The following MORN1 variants were observed in gnomAD, a reference collection of about 807,000 sequenced individuals.
MORN1 encodes MORN repeat containing 1.
Under a neutral mutation model 61.9 loss-of-function variants are expected in MORN1, and 67 were observed. The observed-to-expected ratio is 1.08, with a 90% CI of 0.89 to 1.33. The LOEUF is 1.33. Among genes scored for constraint, MORN1 ranks in the 40% most tolerant of loss-of-function variants. The probability of loss-of-function intolerance (pLI) is 0.00; values close to 1 mark genes in which losing one functional copy is unlikely to be tolerated. For synonymous variants in MORN1, 301 were observed against 292.0 expected (o/e 1.03, Z -0.31); for missense variants, 752 against 691.2 (o/e 1.09, Z -0.99).
rs934418792 is a variant in MORN1 at position 2,391,387 on chromosome 1, G to A, written c.76+71C>T. ...CGAGGTGAGCATTTGGGGGTCGAGGGCGTAGAGCGATCGCACCCTGAATGG... is the reference window on the plus strand; with the variant it reads ...CGAGGTGAGCATTTGGGGGTCGAGGACGTAGAGCGATCGCACCCTGAATGG... On this transcript the variant is annotated intron_variant, in intron 1 of 13. Transcript: ENST00000378531. The A allele has an allele frequency of 7.2e-6, 9 of 1,245,128 alleles. No homozygotes were observed. The South Asian group carries it at 1.1e-4, about 16-fold the overall frequency. The allele number at this position is 1,245,128 out of a possible 1,614,324, so 77.1% of individuals were successfully genotyped here. A position where few individuals can be genotyped will look rare whatever the true frequency, so the allele number is the denominator to read the frequency against.
At chr1:2,379,029 T>G (rs532078699) in intron 6 of MORN1, 1 of 470,938 alleles carries the variant, frequency 2.1e-6, no homozygotes, top group East Asian at 6.9e-5. Flanking sequence ...GAATGCATTT[T>G]TAAAAAAAGG....
chr1:2,388,260 G>C lies in MORN1; in HGVS notation c.226C>G (p.Arg76Gly), dbSNP rs1036197206. 6.2e-7 allele frequency: 1 copy of C among 1,613,814 alleles called. No individual in the cohort carries two copies. Residue 76 changes from arginine (R) to glycine (G), a missense_variant, in exon 3 of 14, where the codon CGC (arginine) becomes GGC (glycine). Arg to Gly is a moderately radical substitution (Grantham distance 125). Coordinates refer to ENST00000378531, the MANE Select transcript of MORN1 (RefSeq NM_024848.3). ...TCACCTGACCAGGCCCAGTGCCGGC[G>C]GCCTTCTCCCGTGATCTCTCCGTCC... ...FVDGEITGEG[R>G]RHWAWSGDTF...
At chr1:2,383,068 C>A (rs1642408287) in intron 6 of MORN1, among the ~76,000 whole-genome samples, 1 of 152,112 alleles carries the variant, frequency 6.6e-6, no homozygotes, top group Non-Finnish European at 1.5e-5. Context: ...CCACCCCCAA[C>A]TCCTCCATCC....
At chr1:2,340,078 TC>T (rs1334509346) in intron 10 of MORN1, among the ~76,000 whole-genome samples, 2 of 152,156 alleles carry the variant, frequency 1.3e-5, no homozygotes, top group Non-Finnish European at 2.9e-5. Flanking sequence ...CCCCCACTTG[TC>T]CCCCGGTGTC....
chr1:2,387,021 G>A (rs1642513514), intron 4 of MORN1: 2 of 205,670 alleles, frequency 9.7e-6, no homozygotes, highest in South Asian at 1.8e-4. Context: ...GGACCCTCAG[G>A]CCTGGCAGAG....
chr1:2,338,135 A>T (rs1461388461), intron 10 of MORN1, among the ~76,000 whole-genome samples: 1 of 152,156 alleles, frequency 6.6e-6, no homozygotes, highest in Non-Finnish European at 1.5e-5. Context: ...TGGAGGCATT[A>T]ATGTCCCTTT....
At chr1:2,378,123 C>G (rs1006115559) in intron 6 of MORN1, 1 of 152,430 alleles carries the variant, frequency 6.6e-6, no homozygotes, top group Non-Finnish European at 1.5e-5. Flanking sequence ...TTTGACCTCG[C>G]TGGTCCCATC....
At chr1:2,374,819 A>G (rs1642199516) in intron 6 of MORN1, 1 of 397,516 alleles carries the variant, frequency 2.5e-6, no homozygotes, top group South Asian at 4.9e-5. Flanking sequence ...ACGGCACAGT[A>G]TATAAAATGC....
rs1186898072 is a variant in MORN1 at position 2,391,543 on chromosome 1, G to A, written c.-10C>T. ...CGCCCGCCGCTGCCATCTTGCCGCC[G>A]AGGGTTCTCTTAGCGACCAGCAACG... On this transcript the variant is annotated 5_prime_UTR_variant, in exon 1 of 14. Transcript: ENST00000378531. The A allele has an allele frequency of 4.0e-6, 5 of 1,248,122 alleles. No individual in the cohort carries two copies. Among genetic ancestry groups the A allele is most frequent in the Non-Finnish European group, 5.1e-6 (5 of 989,892 alleles). 77.3% of individuals were successfully genotyped at this position (1,248,122 alleles called of 1,614,324 possible).
intron 3 of MORN1, chr1:2,387,851 G>A: frequency 4.6e-6 from 2 of 432,116 alleles, no homozygotes; most frequent in East Asian, 3.8e-5. Flanking sequence ...CCAAGCCTGA[G>A]AGAAAACACC....
intron 12 of MORN1, among the ~76,000 whole-genome samples, chr1:2,335,828 T>TAGCCCGGCCCAGCCC (rs138508948): frequency 7.0e-6 from 1 of 143,012 alleles, no homozygotes; most frequent in African/African-American, 3.0e-5. Flanking sequence ...CTCGCCTCCA[T>TAGCCCGGCCCAGCCC]AGCCCAGCCC....
chr1:2,348,113 C>T (rs1249655444), intron 10 of MORN1, among the ~76,000 whole-genome samples: 1 of 152,238 alleles, frequency 6.6e-6, no homozygotes, highest in Non-Finnish European at 1.5e-5. Flanking sequence ...CTCATTGTGT[C>T]TTCAGTCTCC....
chr1:2,337,244 G>A lies in MORN1; in HGVS notation c.1037-394C>T, dbSNP rs1242391937. 1.3e-5 allele frequency among the ~76,000 whole-genome samples: 2 copies of A among 152,204 alleles called. No homozygotes were observed. Among genetic ancestry groups the A allele is most frequent in the Non-Finnish European group, 2.9e-5 (2 of 68,018 alleles). ...CTGGCGCTCAACAGTACAGCTGTGT[G>A]CCCTCCTCGGAGCGCAGCATGAGGA... On this transcript the variant is annotated intron_variant, in intron 10 of 13. Transcript: ENST00000378531. The surrounding 1 kb of genome is among the most constrained non-coding windows in gnomAD (Gnocchi z 5.7).
chr1:2,390,903 C>T (rs1235905160), intron 1 of MORN1: 1 of 277,840 alleles, frequency 3.6e-6, no homozygotes, highest in Non-Finnish European at 5.5e-6. Flanking sequence ...AGGCACCACC[C>T]CGGGCCAATT....
chr1:2,341,359 C>A (rs535134147), intron 10 of MORN1, among the ~76,000 whole-genome samples: 3,282 of 152,180 alleles, frequency 0.022, 126 homozygotes, highest in African/African-American at 0.074. Flanking sequence ...CTCATGCCCC[C>A]GTCTGCAAAC....
Position 2,335,045 on chromosome 1 carries a change from A to C in MORN1, c.1250+1424T>G, listed in dbSNP as rs1179215520. Among the ~76,000 whole-genome samples, 6 of 152,330 alleles carry C rather than the reference A, an allele frequency of 3.9e-5. No individual in the cohort carries two copies. In the East Asian group the frequency reaches 1.2e-3, roughly 29 times the overall value. ...ACCTGCAGGATCTTGGCTGTTTTTT[A>C]GTCTCTGCTTCTGAAGTTATCGTAC... On this transcript the variant is annotated intron_variant, in intron 12 of 13. Coordinates refer to ENST00000378531, the MANE Select transcript of MORN1 (RefSeq NM_024848.3).
At chr1:2,380,730 T>C (rs114821924) in intron 6 of MORN1, among the ~76,000 whole-genome samples, 12 of 152,172 alleles carry the variant, frequency 7.9e-5, no homozygotes, top group African/African-American at 2.6e-4. Context: ...TGTTTAAAAC[T>C]TCTTTTGTAG....
At chr1:2,387,095 G>A (rs964678262) in intron 4 of MORN1, 6 of 385,490 alleles carry the variant, frequency 1.6e-5, no homozygotes, top group Non-Finnish European at 1.9e-5. Context: ...TCCCTGCAGG[G>A]CCCAGGCCAA....
chr1:2,388,876 T>C (rs1283301493), intron 2 of MORN1, among the ~76,000 whole-genome samples: 6 of 145,094 alleles, frequency 4.1e-5, no homozygotes, highest in Non-Finnish European at 6.0e-5. Flanking sequence ...CTTTGGGAGG[T>C]TGAGGTGGGC....
Sources: allele counts gnomAD v4.1 joint callset (sites outside exome capture counted in the v4.1 genomes callset), GRCh38; gene constraint gnomAD v4.1.1; non-coding constraint Gnocchi (gnomAD v3.1); transcripts MANE v1.5; gene names NCBI Gene and HGNC (gene_info 2026-07-23, HGNC 2026-07-21).